GCSAML: variants seen among roughly 807,000 people sequenced by gnomAD.
GCSAML encodes germinal center associated signaling and motility like.
In GCSAML, 9 loss-of-function variants were observed where a neutral mutation model predicts 13.0. The observed-to-expected ratio is 0.69, with a 90% CI of 0.42 to 1.21. The LOEUF is 1.21. Among genes scored for constraint, GCSAML ranks in the 50% most tolerant of loss-of-function variants. GCSAML has a pLI of 0.00. For missense variants in GCSAML, 143 were observed against 153.4 expected (o/e 0.93, Z 0.36); for synonymous variants, 37 against 52.9 (o/e 0.70, Z 1.31).
chr1:247,516,122 G>C (rs1483660050), intron 1 of GCSAML, among the ~76,000 whole-genome samples: 1 of 152,150 alleles, frequency 6.6e-6, no homozygotes, highest in Admixed American at 6.5e-5. Flanking sequence ...AAACCCACAA[G>C]AACAGGGGTG....
At chr1:247,520,810 A>G (rs1306040524) in intron 1 of GCSAML, among the ~76,000 whole-genome samples, 3 of 152,224 alleles carry the variant, frequency 2.0e-5, no homozygotes, top group African/African-American at 7.2e-5. Context: ...TAAAAAAATT[A>G]TAGACATTGC....
chr1:247,543,623 G>A (rs892661314), intron 2 of GCSAML, among the ~76,000 whole-genome samples: 3 of 151,938 alleles, frequency 2.0e-5, no homozygotes, highest in Non-Finnish European at 2.9e-5. Flanking sequence ...GAATAATAGG[G>A]ACTTATATGG....
Position 247,560,592 on chromosome 1 carries a change from A to AT in GCSAML, c.90-2990dup, listed in dbSNP as rs544246038. On this transcript the variant is annotated intron_variant, in intron 2 of 4. Transcript: ENST00000366488. ...CTTTTATACATATGTCTTTATTTTA[A>AT]TTTTTTTTCTCACCTTTCTTGAGCT... Among the ~76,000 whole-genome samples, 4 of 151,968 alleles carry AT rather than the reference A, an allele frequency of 2.6e-5. No homozygotes were observed. In the South Asian group the frequency reaches 8.3e-4, roughly 32 times the overall value.
At chr1:247,531,074 G>T in intron 2 of GCSAML, 1 of 159,340 alleles carries the variant, frequency 6.3e-6, no homozygotes, top group Non-Finnish European at 1.4e-5. Context: ...GAGCGGGGGA[G>T]CCACAGCGAG....
chr1:247,548,950 G>A, upstream of GCSAML: 1 of 737,188 alleles, frequency 1.4e-6, no homozygotes, highest in East Asian at 3.5e-5. This position sits in a 1 kb window ranked among gnomAD's most constrained non-coding sequence, Gnocchi z 5.3. Context: ...GTGTGTATGA[G>A]TGTGTGTGTG....
chr1:247,546,354 T>C (rs1667568741), upstream of GCSAML, among the ~76,000 whole-genome samples: 1 of 152,064 alleles, frequency 6.6e-6, no homozygotes, highest in South Asian at 2.1e-4. Flanking sequence ...ATGGTCTTTA[T>C]TTTTTATTTA....
At chr1:247,519,642 G>A (rs1475812631) in intron 1 of GCSAML, among the ~76,000 whole-genome samples, 1 of 152,200 alleles carries the variant, frequency 6.6e-6, no homozygotes, top group Non-Finnish European at 1.5e-5. Context: ...GCATAAAATG[G>A]ATTAGAAAAT....
In GCSAML at chr1:247,549,196, G is replaced by C; in HGVS notation, c.5G>C (p.Gly2Ala). The part of the protein sequence containing the change: M[G>A]NYLLRKLSCL... ...AAACCGAGTCACTGTGAAAAGATGG[G>C]AAATTATCTCCTGCGAAAACTCAGG... The change falls in exon 1 of 5, where the codon GGA (glycine) becomes GCA (alanine). Residue 2 changes from glycine (G) to alanine (A), a missense_variant. Transcript: ENST00000366488. 3.1e-6 allele frequency: 5 copies of C among 1,614,148 alleles called. No individual in the cohort carries two copies. The highest frequency in any genetic ancestry group is 4.2e-6 in the Non-Finnish European group (5 of 1,180,014).
chr1:247,538,305 C>T (rs10925073), intron 2 of GCSAML, among the ~76,000 whole-genome samples: 38,859 of 152,030 alleles, frequency 0.26, 5,538 homozygotes, highest in Middle Eastern at 0.38. Flanking sequence ...AACCCATAGA[C>T]GTATGTTAGC....
intron 2 of GCSAML, among the ~76,000 whole-genome samples, chr1:247,560,915 A>G (rs1338759100): frequency 6.6e-6 from 1 of 151,982 alleles, no homozygotes; most frequent in African/African-American, 2.4e-5. Flanking sequence ...CTTTTCTCTC[A>G]TTCTACTTTT....
chr1:247,517,463 C>A (rs1377790431), intron 1 of GCSAML, among the ~76,000 whole-genome samples: 7 of 152,140 alleles, frequency 4.6e-5, no homozygotes, highest in Non-Finnish European at 1.0e-4. Flanking sequence ...TTAATTGAAG[C>A]TATTGTTCCA....
chr1:247,572,020 C>T (rs1572381821), intron 4 of GCSAML, among the ~76,000 whole-genome samples: 2 of 152,054 alleles, frequency 1.3e-5, no homozygotes, highest in South Asian at 2.1e-4. Context: ...GTATGCTTCA[C>T]GAAGTTTTCG....
intron 1 of GCSAML, among the ~76,000 whole-genome samples, chr1:247,510,394 C>A (rs1385610017): frequency 6.6e-6 from 1 of 152,048 alleles, no homozygotes; most frequent in Admixed American, 6.6e-5. Context: ...ATTTTTCTCT[C>A]TTTCCTTCTT....
At chr1:247,569,355 C>T (rs1193108588) in intron 4 of GCSAML, among the ~76,000 whole-genome samples, 2 of 152,088 alleles carry the variant, frequency 1.3e-5, no homozygotes, top group Non-Finnish European at 2.9e-5. Flanking sequence ...CCATAAATAG[C>T]TCTTATTATT....
At chr1:247,572,595 C>T (rs1242259822) in intron 4 of GCSAML, among the ~76,000 whole-genome samples, 2 of 152,180 alleles carry the variant, frequency 1.3e-5, no homozygotes, top group Non-Finnish European at 2.9e-5. Context: ...CAGCAGGGCA[C>T]CTGCCAGATG....
rs138784605 is a variant in GCSAML at position 247,526,686 on chromosome 1, G to A, written c.-262-254G>A. ...CCATACATGAAGTAGAGGGTTCACA[G>A]AGCAGGTTTGGGATGATCCAGGTTT... is the stretch of plus-strand genomic sequence containing the variant. On this transcript the variant is annotated intron_variant, in intron 1 of 5. Coordinates refer to the GCSAML transcript ENST00000366489. This position sits in a 1 kb window ranked among gnomAD's most constrained non-coding sequence, Gnocchi z 4.8. 8.7e-5 allele frequency: 30 copies of A among 342,866 alleles called. No homozygotes were observed. The East Asian group carries it at 2.0e-3, about 23-fold the overall frequency. The allele number at this position is 342,866 out of a possible 1,614,324, so 21.2% of individuals were successfully genotyped here.
chr1:247,522,251 G>A (rs1249930093), intron 1 of GCSAML, among the ~76,000 whole-genome samples: 1 of 122,096 alleles, frequency 8.2e-6, no homozygotes, highest in African/African-American at 3.1e-5. Flanking sequence ...GGAGGGAGGT[G>A]GGGGGCAGCC....
chr1:247,573,208 C>T (rs576517655), intron 4 of GCSAML, among the ~76,000 whole-genome samples: 1 of 152,256 alleles, frequency 6.6e-6, no homozygotes, highest in Non-Finnish European at 1.5e-5. Context: ...TTCCAGGCAC[C>T]ACTGAGGTAT....
upstream of GCSAML, among the ~76,000 whole-genome samples, chr1:247,547,957 AT>A: frequency 6.6e-6 from 1 of 152,250 alleles, no homozygotes; most frequent in South Asian, 2.1e-4. Flanking sequence ...CTTGTAATAT[AT>A]TTTTCTCATG....
Sources: gnomAD v4.1 joint callset for allele counts (sites outside exome capture counted in the v4.1 genomes callset) on GRCh38, gnomAD v4.1.1 for gene constraint, Gnocchi (gnomAD v3.1) non-coding constraint, MANE v1.5 for transcripts, NCBI Gene and HGNC (gene_info 2026-07-23, HGNC 2026-07-21) for gene names.